Variants in DCBLD1 observed in about 807,000 individuals in gnomAD.
DCBLD1 encodes discoidin, CUB and LCCL domain-containing protein 1.
Under a neutral mutation model 71.5 loss-of-function variants are expected in DCBLD1, and 57 were observed. The observed-to-expected ratio is 0.80, with a 90% CI of 0.64 to 0.99. The LOEUF (loss-of-function observed/expected upper bound fraction) is 0.99, where lower values mean the gene tolerates loss of function less well. Among genes scored for constraint, DCBLD1 ranks in the 50% least tolerant of loss-of-function variants. The probability of loss-of-function intolerance (pLI) is 0.00; values close to 1 mark genes in which losing one functional copy is unlikely to be tolerated. For synonymous variants in DCBLD1, 380 were observed against 363.8 expected (o/e 1.04, Z -0.51); for missense variants, 891 against 923.5 (o/e 0.96, Z 0.46).
At chr6:117,532,922 G>GA (rs1386446483) in intron 6 of DCBLD1, among the ~76,000 whole-genome samples, 4 of 151,906 alleles carry the variant, frequency 2.6e-5, no homozygotes, top group East Asian at 1.9e-4. Flanking sequence ...AGCTTCATGA[G>GA]AAAAAAAATG....
intron 1 of DCBLD1, among the ~76,000 whole-genome samples, chr6:117,495,399 C>T (rs17636431): frequency 0.031 from 4,654 of 152,254 alleles, 85 homozygotes; most frequent in Non-Finnish European, 0.038. Flanking sequence ...TAGCAGTTAA[C>T]ATATTGAATT....
intron 1 of DCBLD1, among the ~76,000 whole-genome samples, chr6:117,488,849 G>C (rs1472438042): frequency 1.3e-5 from 2 of 152,142 alleles, no homozygotes; most frequent in African/African-American, 4.8e-5. Context: ...AACATCATTT[G>C]GGGACAGTGT....
intron 1 of DCBLD1, among the ~76,000 whole-genome samples, chr6:117,496,822 C>T (rs1159992266): frequency 6.6e-6 from 1 of 152,038 alleles, no homozygotes; most frequent in Non-Finnish European, 1.5e-5. Context: ...AAAAATGAAA[C>T]TGAATAGAAT....
At chr6:117,538,906 A>G (rs370665027) in intron 8 of DCBLD1, 71 bp downstream of exon 8, 1 of 1,470,816 alleles carries the variant, frequency 6.8e-7, no homozygotes, top group Non-Finnish European at 9.3e-7. Context: ...AGTTGAAAAT[A>G]CGCTTATTGT....
chr6:117,496,148 C>T (rs915969137), intron 1 of DCBLD1, among the ~76,000 whole-genome samples: 4 of 152,122 alleles, frequency 2.6e-5, no homozygotes, highest in Admixed American at 2.6e-4. Flanking sequence ...ATATCATTAG[C>T]ATCTATTTTA....
At chr6:117,556,978 CTTTT>C (rs34703019) in intron 14 of DCBLD1, among the ~76,000 whole-genome samples, 2 of 151,300 alleles carry the variant, frequency 1.3e-5, no homozygotes, top group Non-Finnish European at 2.9e-5. Flanking sequence ...TGATGTTGAA[CTTTT>C]TTTTTCATGT....
chr6:117,537,274 C>G (rs1026079411), intron 7 of DCBLD1, 49 bp downstream of exon 7: 10 of 1,582,280 alleles, frequency 6.3e-6, no homozygotes, highest in Non-Finnish European at 7.8e-6. Flanking sequence ...GTGGCTCACG[C>G]CTATAATCCC....
downstream of DCBLD1, among the ~76,000 whole-genome samples, chr6:117,551,636 C>T (rs895512299): frequency 1.3e-5 from 2 of 152,204 alleles, no homozygotes; most frequent in Admixed American, 6.5e-5. Context: ...TCCTCGGCCT[C>T]CCAAAGTGCT....
chr6:117,504,199 C>CT (rs1457001457), intron 2 of DCBLD1, among the ~76,000 whole-genome samples: 1 of 152,130 alleles, frequency 6.6e-6, no homozygotes, highest in Non-Finnish European at 1.5e-5. Flanking sequence ...GTCTCAGAAC[C>CT]TTTGTTAGAG....
intron 14 of DCBLD1, chr6:117,560,263 A>C (rs1417287989): frequency 5.8e-6 from 1 of 172,670 alleles, no homozygotes; most frequent in Non-Finnish European, 1.3e-5. Context: ...ATAACAAGCC[A>C]AAATATTTAA....
intron 14 of DCBLD1, among the ~76,000 whole-genome samples, chr6:117,568,200 C>T (rs117091311): frequency 0.011 from 1,588 of 150,962 alleles, 21 homozygotes; most frequent in South Asian, 0.044. Context: ...ATCCTGGCTC[C>T]AAAAAAGAAA....
chr6:117,538,558 C>CTT (rs879096093), intron 7 of DCBLD1, 62 bp from the exon 8 acceptor site: 11 of 1,256,930 alleles, frequency 8.8e-6, no homozygotes, highest in Admixed American at 4.2e-5. Context: ...TGTGGTACTA[C>CTT]TTTTTTTTTT....
At chr6:117,493,433 C>T (rs1322018228) in intron 1 of DCBLD1, among the ~76,000 whole-genome samples, 1 of 152,122 alleles carries the variant, frequency 6.6e-6, no homozygotes, top group Non-Finnish European at 1.5e-5. Context: ...TTAGACCTTT[C>T]CCTTAATAGT....
chr6:117,530,763 C>A (rs937857184), intron 5 of DCBLD1, among the ~76,000 whole-genome samples: 13 of 152,260 alleles, frequency 8.5e-5, no homozygotes, highest in African/African-American at 3.1e-4. Flanking sequence ...CCCAGGAGTC[C>A]AAACTGATGA....
downstream of DCBLD1, chr6:117,549,922 A>G: frequency 1.1e-6 from 1 of 887,880 alleles, no homozygotes; most frequent in Non-Finnish European, 1.3e-6. Context: ...ATTAGGCCAG[A>G]CCCCAATCTA....
At chr6:117,566,683 T>A (rs1024033028) in intron 14 of DCBLD1, among the ~76,000 whole-genome samples, 3 of 152,198 alleles carry the variant, frequency 2.0e-5, no homozygotes, top group Admixed American at 6.5e-5. Flanking sequence ...AGAACATATA[T>A]GGTAAATAAA....
intron 14 of DCBLD1, among the ~76,000 whole-genome samples, chr6:117,566,052 G>T (rs187892397): frequency 2.0e-5 from 3 of 152,124 alleles, no homozygotes; most frequent in Admixed American, 2.0e-4. Context: ...AAGCAAAATT[G>T]GTATCTTCTT....
At chr6:117,569,747 C>A in exon 15 of DCBLD1, 1 of 1,568,246 alleles carries the variant, frequency 6.4e-7, no homozygotes, top group Non-Finnish European at 8.6e-7. Flanking sequence ...CTAACAACAA[C>A]AAAGGGCAGT....
chr6:117,563,408 G>A lies in DCBLD1; in HGVS notation c.1616-6212G>A, dbSNP rs571859298. On this transcript the variant is annotated intron_variant, in intron 14 of 14. Transcript: ENST00000296955. Reference sequence around the variant, plus strand: ...TCCTGAAAGAAAGGAGAAAAAAAAAGCAGACACTTTCTGGTTTAAAAAGTT... The same window carrying A: ...TCCTGAAAGAAAGGAGAAAAAAAAAACAGACACTTTCTGGTTTAAAAAGTT... 91 of 1,609,738 alleles carry A rather than the reference G, an allele frequency of 5.7e-5. 2 individuals carry two copies. The South Asian group carries it at 9.8e-4, about 17-fold the overall frequency.
Sources: gnomAD v4.1 joint callset for allele counts (sites outside exome capture counted in the v4.1 genomes callset) on GRCh38, gnomAD v4.1.1 for gene constraint, MANE v1.5 for transcripts, NCBI Gene and HGNC (gene_info 2026-07-23, HGNC 2026-07-21) for gene names.